Variants in ZNF782 observed in about 807,000 individuals in gnomAD.
ZNF782 encodes zinc finger protein 782.
In ZNF782, 12 loss-of-function variants were observed where a neutral mutation model predicts 13.0. The ratio of observed to expected loss-of-function variants is 0.92; its 90% CI spans 0.59 to 1.50. The LOEUF (loss-of-function observed/expected upper bound fraction) is 1.50. Among genes scored for constraint, ZNF782 ranks in the 40% most tolerant of loss-of-function variants. The pLI, the probability that ZNF782 is intolerant of heterozygous loss-of-function variation, is 0.00. For synonymous variants in ZNF782, 284 were observed against 283.0 expected, an observed-to-expected ratio of 1.00 and a Z score of -0.04; for missense variants, 770 against 822.9, an observed-to-expected ratio of 0.94 and a Z score of 0.79.
chr9:96,844,240 G>C (rs1851274479), intron 4 of ZNF782, among the ~76,000 whole-genome samples: 1 of 152,058 alleles, frequency 6.6e-6, no homozygotes, highest in Admixed American at 6.6e-5. Context: ...TCACTCCTAG[G>C]TACTTATACA....
chr9:96,860,793 G>T (rs1851694311), intron 2 of ZNF782, among the ~76,000 whole-genome samples: 1 of 152,208 alleles, frequency 6.6e-6, no homozygotes, highest in South Asian at 2.1e-4. Context: ...TCATACATCT[G>T]CAGTGAACTC....
chr9:96,825,710 A>AAAAC (rs563370545), intron 5 of ZNF782, among the ~76,000 whole-genome samples: 2 of 151,980 alleles, frequency 1.3e-5, no homozygotes, highest in Non-Finnish European at 2.9e-5. Context: ...TTACAAGAAA[A>AAAAC]AAACAACCCC....
intron 3 of ZNF782, among the ~76,000 whole-genome samples, chr9:96,847,788 T>C (rs528454239): frequency 1.3e-5 from 2 of 152,240 alleles, no homozygotes; most frequent in African/African-American, 2.4e-5. Context: ...TTCCACAAGA[T>C]TGCAAAAGAG....
chr9:96,830,429 C>T (rs1160389908), intron 4 of ZNF782, among the ~76,000 whole-genome samples: 1 of 152,160 alleles, frequency 6.6e-6, no homozygotes. Flanking sequence ...CACTCCAGAT[C>T]CTACCATGCA....
chr9:96,879,433 G>A (rs1424434616), upstream of ZNF782, among the ~76,000 whole-genome samples: 1 of 152,232 alleles, frequency 6.6e-6, no homozygotes, highest in African/African-American at 2.4e-5. Context: ...AACCCAGAAG[G>A]CAGAGCTTGC....
At chr9:96,918,167 C>T in the ZNF782 span, among the ~76,000 whole-genome samples, 4 of 151,048 alleles carry the variant, frequency 2.6e-5, no homozygotes, top group Middle Eastern at 3.4e-3. Flanking sequence ...TTTGGGAGGC[C>T]GAGGCAGGTG....
chr9:96,826,007 T>C (rs1011823535), intron 5 of ZNF782, among the ~76,000 whole-genome samples: 2 of 152,186 alleles, frequency 1.3e-5, no homozygotes, highest in Non-Finnish European at 2.9e-5. Flanking sequence ...CTCAGGGATC[T>C]AGAACTAGAA....
chr9:96,887,287 AAGGAAGG>A, the ZNF782 span: 1 of 22,850 alleles, frequency 4.4e-5, no homozygotes, highest in Non-Finnish European at 1.5e-4. Context: ...GCAAAAAAGA[AAGGAAGG>A]AAGGAAGGAA....
the ZNF782 span, among the ~76,000 whole-genome samples, chr9:96,911,573 T>G: frequency 2.8e-5 from 4 of 141,320 alleles, no homozygotes; most frequent in African/African-American, 1.1e-4. Context: ...CAGGCGGGAG[T>G]GCAGTGGCGC....
the ZNF782 span, among the ~76,000 whole-genome samples, chr9:96,911,526 G>T: frequency 0.027 from 2,171 of 81,880 alleles, 35 homozygotes; most frequent in East Asian, 0.18. Context: ...GTTTTGTTTT[G>T]TTTTTTTTTT....
intron 1 of ZNF782, among the ~76,000 whole-genome samples, chr9:96,874,055 T>A (rs538924229): frequency 6.6e-6 from 1 of 152,358 alleles, no homozygotes; most frequent in African/African-American, 2.4e-5. Context: ...GTGAAATTTT[T>A]AACTCTGGTA....
At chr9:96,820,078 A>G (rs1850357783) in intron 5 of ZNF782, among the ~76,000 whole-genome samples, 1 of 152,206 alleles carries the variant, frequency 6.6e-6, no homozygotes, top group Non-Finnish European at 1.5e-5. Flanking sequence ...AGAATGGTGT[A>G]TACGTAAGAG....
the ZNF782 span, chr9:96,893,844 C>CA: frequency 7.0e-6 from 1 of 143,662 alleles, no homozygotes; most frequent in Non-Finnish European, 1.5e-5. Context: ...ACTAAAAATA[C>CA]AAAAAATTAG....
intron 5 of ZNF782, among the ~76,000 whole-genome samples, chr9:96,821,167 T>C (rs367851745): frequency 1.3e-5 from 2 of 152,250 alleles, no homozygotes; most frequent in African/African-American, 4.8e-5. Context: ...GCCTTAAATA[T>C]ACTGCCTTAG....
chr9:96,866,973 C>T (rs1851762611), intron 1 of ZNF782, among the ~76,000 whole-genome samples: 1 of 152,168 alleles, frequency 6.6e-6, no homozygotes, highest in South Asian at 2.1e-4. Flanking sequence ...TAGGAAGTAA[C>T]TAATTTGCTT....
the ZNF782 span, chr9:96,890,275 C>T: frequency 6.6e-6 from 1 of 152,386 alleles, no homozygotes; most frequent in African/African-American, 2.4e-5. Flanking sequence ...CCACCCAGGT[C>T]TTCCTCTCAT....
At chr9:96,921,198 CT>C in the ZNF782 span, among the ~76,000 whole-genome samples, 86 of 145,580 alleles carry the variant, frequency 5.9e-4, no homozygotes, top group African/African-American at 2.0e-3. Flanking sequence ...ATAGTATGGT[CT>C]AATTTTAAAG....
upstream of ZNF782, among the ~76,000 whole-genome samples, chr9:96,855,073 C>T (rs1232149907): frequency 6.6e-6 from 1 of 152,198 alleles, no homozygotes; most frequent in African/African-American, 2.4e-5. Flanking sequence ...CCTGGCGCCC[C>T]CAGGCGTGAG....
chr9:96,876,463 G>A (rs1469162635), upstream of ZNF782, among the ~76,000 whole-genome samples: 2 of 152,096 alleles, frequency 1.3e-5, no homozygotes, highest in African/African-American at 4.8e-5. Flanking sequence ...TCAATACAAA[G>A]GAAGAAAGAA....
Sources: gnomAD v4.1 joint callset for allele counts (sites outside exome capture counted in the v4.1 genomes callset) on GRCh38, gnomAD v4.1.1 for gene constraint, MANE v1.5 for transcripts, NCBI Gene and HGNC (gene_info 2026-07-23, HGNC 2026-07-21) for gene names.